INTS9: variants seen among roughly 807,000 people sequenced by gnomAD.
The protein encoded by INTS9 is integrator complex subunit 9.
Under a neutral mutation model 79.7 loss-of-function variants are expected in INTS9, and 55 were observed. That is an observed-to-expected ratio of 0.69 (90% CI 0.56 to 0.86). The LOEUF (loss-of-function observed/expected upper bound fraction) is 0.86. Ranked by LOEUF, INTS9 falls within the 40% of genes least tolerant of loss-of-function variation. INTS9 has a pLI of 0.00. For missense variants in INTS9, 721 were observed against 831.5 expected (o/e 0.87, Z 1.64); for synonymous variants, 319 against 325.2 (o/e 0.98, Z 0.20).
intron 6 of INTS9, among the ~76,000 whole-genome samples, chr8:28,833,976 A>G (rs1326410837): frequency 6.6e-6 from 1 of 152,204 alleles, no homozygotes; most frequent in Non-Finnish European, 1.5e-5. Flanking sequence ...CCCCATTCCC[A>G]TAGCCAAGGG....
Position 28,888,925 on chromosome 8 carries a change from GAC to G in INTS9, c.9+947_9+948del, listed in dbSNP as rs1810367838. 1.3e-5 allele frequency among the ~76,000 whole-genome samples: 2 copies of G among 150,540 alleles called. 1 individual carries two copies. Among genetic ancestry groups the G allele is most frequent in the South Asian group, 4.2e-4 (2 of 4,796 alleles). On this transcript the variant is annotated intron_variant, in intron 1 of 16. Coordinates refer to ENST00000521022, the MANE Select transcript of INTS9 (RefSeq NM_018250.4). ...AAAAATAAACTTTTTTTTTTTTTGAGACAGAGTCTCGCGCTGTTGCAAGGCTG... is the reference window on the plus strand; with the variant it reads ...AAAAATAAACTTTTTTTTTTTTTGAGAGAGTCTCGCGCTGTTGCAAGGCTG...
chr8:28,829,126 T>C (rs1806327975), intron 6 of INTS9, among the ~76,000 whole-genome samples: 1 of 152,258 alleles, frequency 6.6e-6, no homozygotes, highest in Non-Finnish European at 1.5e-5. Flanking sequence ...TGTAATGATT[T>C]ATCCTTATTG....
At chr8:28,860,067 CT>C (rs1467008358) in intron 1 of INTS9, among the ~76,000 whole-genome samples, 1 of 152,202 alleles carries the variant, frequency 6.6e-6, no homozygotes, top group East Asian at 1.9e-4. Flanking sequence ...TATGCTCAGT[CT>C]TGTCAGAAGA....
chr8:28,814,871 C>T (rs568619042), intron 6 of INTS9, among the ~76,000 whole-genome samples: 2 of 152,236 alleles, frequency 1.3e-5, no homozygotes, highest in African/African-American at 4.8e-5. Context: ...AAGATTCTAA[C>T]GCAGAGGATT....
chr8:28,853,376 G>A (rs1054793043), intron 2 of INTS9, among the ~76,000 whole-genome samples: 2 of 149,250 alleles, frequency 1.3e-5, no homozygotes, highest in Non-Finnish European at 3.0e-5. Context: ...TGGCGCCACT[G>A]TACTCCAGCC....
intron 8 of INTS9, among the ~76,000 whole-genome samples, chr8:28,802,503 A>G (rs999430016): frequency 6.6e-6 from 1 of 152,214 alleles, no homozygotes; most frequent in Non-Finnish European, 1.5e-5. Context: ...CAAAAGTTAT[A>G]TGGGAAGGAA....
chr8:28,809,927 C>T (rs910648261), intron 8 of INTS9, among the ~76,000 whole-genome samples: 29 of 152,184 alleles, frequency 1.9e-4, no homozygotes, highest in African/African-American at 7.0e-4. Flanking sequence ...TATTGTTCAA[C>T]ACTAGAGCAC....
At chr8:28,833,644 A>C (rs769121878) in intron 6 of INTS9, among the ~76,000 whole-genome samples, 24 of 149,206 alleles carry the variant, frequency 1.6e-4, no homozygotes, top group South Asian at 6.3e-4. Context: ...AAACAAAAAC[A>C]AAAACCAAAA....
intron 6 of INTS9, among the ~76,000 whole-genome samples, chr8:28,823,337 C>A (rs1164521805): frequency 6.6e-6 from 1 of 152,150 alleles, no homozygotes; most frequent in African/African-American, 2.4e-5. Context: ...ACATTTTTAT[C>A]TGTAGGGAAA....
intron 14 of INTS9, among the ~76,000 whole-genome samples, chr8:28,775,289 G>A (rs1802800828): frequency 6.6e-6 from 1 of 152,158 alleles, no homozygotes; most frequent in Non-Finnish European, 1.5e-5. Context: ...TGAAAAACAA[G>A]AAGGCCCTGA....
intron 1 of INTS9, among the ~76,000 whole-genome samples, chr8:28,871,034 C>T (rs1054388723): frequency 2.0e-5 from 3 of 152,162 alleles, no homozygotes; most frequent in Non-Finnish European, 4.4e-5. Flanking sequence ...TATTCACATG[C>T]ATTTATGTAG....
At chr8:28,818,150 TCCTG>T (rs1486306010) in intron 6 of INTS9, among the ~76,000 whole-genome samples, 1 of 139,140 alleles carries the variant, frequency 7.2e-6, no homozygotes, top group African/African-American at 2.7e-5. Flanking sequence ...TATTTCCTTC[TCCTG>T]CCTAATTGCC....
intron 1 of INTS9, among the ~76,000 whole-genome samples, chr8:28,864,550 A>G (rs1808632179): frequency 6.6e-6 from 1 of 152,246 alleles, no homozygotes; most frequent in Non-Finnish European, 1.5e-5. Flanking sequence ...TTTTATTTAC[A>G]TACCACTGAG....
intron 1 of INTS9, among the ~76,000 whole-genome samples, chr8:28,876,453 A>G (rs2131357269): frequency 6.6e-6 from 1 of 152,346 alleles, no homozygotes; most frequent in South Asian, 2.1e-4. Context: ...GCTATGTAAA[A>G]GAGTCTCTCT....
intron 6 of INTS9, among the ~76,000 whole-genome samples, chr8:28,824,394 C>CT (rs1325764834): frequency 6.6e-6 from 1 of 152,234 alleles, no homozygotes; most frequent in Non-Finnish European, 1.5e-5. Flanking sequence ...CTGCTTCTGC[C>CT]TGTACTGTCT....
intron 4 of INTS9, among the ~76,000 whole-genome samples, chr8:28,844,246 T>A (rs543992534): frequency 6.6e-6 from 1 of 152,358 alleles, no homozygotes; most frequent in South Asian, 2.1e-4. Flanking sequence ...ATAGTTTTGA[T>A]AAATTTTAAC....
chr8:28,772,769 T>G (rs972066175), intron 14 of INTS9, among the ~76,000 whole-genome samples: 5 of 151,952 alleles, frequency 3.3e-5, no homozygotes, highest in African/African-American at 4.8e-5. Flanking sequence ...ATCTCACCAC[T>G]GCACTTCAGC....
intron 11 of INTS9, among the ~76,000 whole-genome samples, chr8:28,787,059 T>C (rs376410944): frequency 2.0e-5 from 3 of 151,908 alleles, no homozygotes; most frequent in East Asian, 1.9e-4. Context: ...ATTTAGAGAA[T>C]CTTTGAGTGA....
At chr8:28,811,120 TTC>T (rs1435528840) in intron 8 of INTS9, among the ~76,000 whole-genome samples, 1 of 146,150 alleles carries the variant, frequency 6.8e-6, no homozygotes, top group Non-Finnish European at 1.5e-5. Context: ...TCTTTTTTCT[TTC>T]TCTCTCTTTT....
Sources: allele counts gnomAD v4.1 joint callset (sites outside exome capture counted in the v4.1 genomes callset), GRCh38; gene constraint gnomAD v4.1.1; transcripts MANE v1.5; gene names NCBI Gene and HGNC (gene_info 2026-07-23, HGNC 2026-07-21).